TMCO5A: variants seen among roughly 807,000 people sequenced by gnomAD.
The protein encoded by TMCO5A is transmembrane and coiled-coil domains 5A.
TMCO5A carries 34 observed loss-of-function variants against 42.3 expected under a neutral mutation model. That is an observed-to-expected ratio of 0.80 (90% CI 0.61 to 1.07). The LOEUF (loss-of-function observed/expected upper bound fraction) is 1.07. TMCO5A is among the 50% of genes least tolerant of loss of function. The pLI, the probability that TMCO5A is intolerant of heterozygous loss-of-function variation, is 0.00. For missense variants in TMCO5A, 357 were observed against 327.9 expected, an observed-to-expected ratio of 1.09 and a Z score of -0.69; for synonymous variants, 131 against 115.6, an observed-to-expected ratio of 1.13 and a Z score of -0.86.
At chr15:38,019,663 A>G in the TMCO5A span, among the ~76,000 whole-genome samples, 1 of 152,124 alleles carries the variant, frequency 6.6e-6, no homozygotes, top group Non-Finnish European at 1.5e-5. Flanking sequence ...GCTGGAGTGC[A>G]GTGGTAAAAT....
chr15:38,021,550 A>G, the TMCO5A span, among the ~76,000 whole-genome samples: 1 of 152,146 alleles, frequency 6.6e-6, no homozygotes, highest in Non-Finnish European at 1.5e-5. Flanking sequence ...GCTAACAGTC[A>G]GGGTGTTTAG....
the TMCO5A span, among the ~76,000 whole-genome samples, chr15:38,014,664 A>T: frequency 6.6e-6 from 1 of 151,716 alleles, no homozygotes; most frequent in African/African-American, 2.4e-5. Context: ...GTTCTACCCC[A>T]CAAGACTAAA....
chr15:37,976,622 T>C, the TMCO5A span, among the ~76,000 whole-genome samples: 6 of 152,104 alleles, frequency 3.9e-5, no homozygotes, highest in Admixed American at 3.9e-4. Context: ...TCTTCCTTAC[T>C]TTTGTCTGAT....
chr15:38,009,808 ACATGTAAGTGAAATG>A, the TMCO5A span, among the ~76,000 whole-genome samples: 1 of 152,190 alleles, frequency 6.6e-6, no homozygotes, highest in African/African-American at 2.4e-5. Context: ...GCATGGTAAC[ACATGTAAGTGAAATG>A]CATGTAAGTG....
the TMCO5A span, among the ~76,000 whole-genome samples, chr15:37,976,061 T>C: frequency 8.2e-5 from 12 of 145,834 alleles, no homozygotes; most frequent in Admixed American, 8.0e-4. Flanking sequence ...CTGGCCAACA[T>C]GGTGAAACCC....
chr15:37,936,545 T>A, intron 3 of TMCO5A, 82 bp downstream of exon 3: 2 of 1,503,400 alleles, frequency 1.3e-6, no homozygotes, highest in South Asian at 1.3e-5. Flanking sequence ...TTTTCCTGCT[T>A]GTTCTAGAGA....
At chr15:38,027,279 C>T in the TMCO5A span, among the ~76,000 whole-genome samples, 2 of 152,290 alleles carry the variant, frequency 1.3e-5, no homozygotes, top group Admixed American at 6.5e-5. Flanking sequence ...GAGCCCACCT[C>T]TTGCATCAGC....
At chr15:37,939,638 A>T (rs72723042) in intron 6 of TMCO5A, among the ~76,000 whole-genome samples, 20,236 of 152,090 alleles carry the variant, frequency 0.13, 1,444 homozygotes, top group Admixed American at 0.17. Context: ...TAAAGAGTTC[A>T]AGAATATTGT....
chr15:37,968,222 C>T (rs1890602462), downstream of TMCO5A, among the ~76,000 whole-genome samples: 1 of 152,118 alleles, frequency 6.6e-6, no homozygotes, highest in South Asian at 2.1e-4. Flanking sequence ...GGTCAAGCTC[C>T]TAGAGGATCA....
the TMCO5A span, among the ~76,000 whole-genome samples, chr15:38,028,117 C>T: frequency 9.3e-5 from 14 of 150,588 alleles, no homozygotes; most frequent in Admixed American, 2.0e-4. Context: ...AATATGAAAC[C>T]GCAAATTAAG....
chr15:38,032,994 G>C, the TMCO5A span, among the ~76,000 whole-genome samples: 2 of 142,798 alleles, frequency 1.4e-5, no homozygotes, highest in Non-Finnish European at 3.0e-5. Context: ...GTGGCGCCAT[G>C]TTGGCTCACT....
intron 6 of TMCO5A, 57 bp from the exon 7 acceptor site, chr15:37,941,092 T>C (rs1889722301): frequency 1.9e-6 from 3 of 1,562,238 alleles, no homozygotes; most frequent in Admixed American, 3.4e-5. Context: ...GTGACAGCAT[T>C]CCATTCCTGC....
the TMCO5A span, among the ~76,000 whole-genome samples, chr15:38,010,704 C>A: frequency 9.2e-5 from 14 of 152,128 alleles, no homozygotes; most frequent in African/African-American, 2.9e-4. Flanking sequence ...TTTGTTACAG[C>A]AGCCACAGAA....
At chr15:38,026,172 T>C in the TMCO5A span, among the ~76,000 whole-genome samples, 1 of 152,126 alleles carries the variant, frequency 6.6e-6, no homozygotes. Flanking sequence ...GGAACAGTTT[T>C]GAGGGCTTAG....
At chr15:38,033,083 T>A in the TMCO5A span, among the ~76,000 whole-genome samples, 69 of 151,986 alleles carry the variant, frequency 4.5e-4, no homozygotes, top group Middle Eastern at 3.4e-3. Context: ...GCCAGCCACC[T>A]CGCCCGGCTA....
At chr15:38,017,503 T>A in the TMCO5A span, among the ~76,000 whole-genome samples, 6 of 152,082 alleles carry the variant, frequency 3.9e-5, no homozygotes, top group African/African-American at 1.4e-4. Context: ...TTGTTCAAAT[T>A]TAGATCGGTA....
chr15:38,021,117 C>T, the TMCO5A span, among the ~76,000 whole-genome samples: 2 of 152,116 alleles, frequency 1.3e-5, no homozygotes, highest in African/African-American at 2.4e-5. Flanking sequence ...TAAGCAGTTA[C>T]CAGTACAGCA....
At chr15:37,991,720 A>T in the TMCO5A span, among the ~76,000 whole-genome samples, 5 of 151,904 alleles carry the variant, frequency 3.3e-5, no homozygotes, top group Non-Finnish European at 7.4e-5. Flanking sequence ...TATTTCATGC[A>T]ATCTTTGACA....
chr15:37,961,278 C>A lies in TMCO5A; in HGVS notation c.669-5347C>A, dbSNP rs116805441. Among the ~76,000 whole-genome samples the A allele has an allele frequency of 7.6e-3, 1,164 of 152,192 alleles. 22 individuals are homozygous for A. Among genetic ancestry groups the A allele is most frequent in the African/African-American group, 0.026 (1,096 of 41,536 alleles). On this transcript the variant is annotated intron_variant, in intron 11 of 11. Transcript: ENST00000559502. ...ACATGTGGCTATCCAATTATCCCAG[C>A]ACTATTTGTTGAAAAAGGTGTCCTT...
Sources: gnomAD v4.1 joint callset for allele counts (sites outside exome capture counted in the v4.1 genomes callset) on GRCh38, gnomAD v4.1.1 for gene constraint, MANE v1.5 for transcripts, NCBI Gene and HGNC (gene_info 2026-07-23, HGNC 2026-07-21) for gene names.